The following GLCE variants were observed in gnomAD, a reference collection of about 807,000 sequenced individuals.
GLCE encodes D-glucuronyl C5-epimerase.
A neutral mutation model predicts 47.9 loss-of-function variants in GLCE; 19 were observed. That is an observed-to-expected ratio of 0.40 (90% CI 0.28 to 0.58). GLCE has a LOEUF of 0.58. GLCE is among the 20% of genes least tolerant of loss of function. The pLI is 0.48. For missense variants in GLCE, 556 were observed against 743.3 expected, an observed-to-expected ratio of 0.75 and a Z score of 2.93; for synonymous variants, 245 against 263.4, an observed-to-expected ratio of 0.93 and a Z score of 0.68.
At chr15:69,204,722 T>C (rs2052126328) in intron 1 of GLCE, among the ~76,000 whole-genome samples, 1 of 152,200 alleles carries the variant, frequency 6.6e-6, no homozygotes, top group Non-Finnish European at 1.5e-5. Context: ...GAAAGTTCTT[T>C]TATGATACCA....
At position 69,271,744 on chromosome 15, in the gene GLCE, CT is replaced by C. The variant is rs753212307; in HGVS notation, c.*2501del. 1 of 152,492 alleles carries C rather than the reference CT, an allele frequency of 6.6e-6. No homozygotes were observed. Among genetic ancestry groups the C allele is most frequent in the Non-Finnish European group, 1.5e-5 (1 of 68,038 alleles). 9.4% of individuals were successfully genotyped at this position (152,492 alleles called of 1,614,324 possible). ...CAGTTGTAAAACCAGCCAAAAGTTT[CT>C]GGATGAAGGTCAAGTTTGACCTTTT... On this transcript the variant is annotated 3_prime_UTR_variant, in exon 5 of 5. Coordinates refer to ENST00000261858, the MANE Select transcript of GLCE (RefSeq NM_015554.3).
chr15:69,242,473 A>G (rs1164341692), intron 2 of GLCE, among the ~76,000 whole-genome samples: 1 of 152,084 alleles, frequency 6.6e-6, no homozygotes, highest in East Asian at 1.9e-4. Context: ...CTATGCATCT[A>G]TATATCTATA....
intron 2 of GLCE, among the ~76,000 whole-genome samples, chr15:69,222,470 C>T (rs1207202112): frequency 6.6e-6 from 1 of 152,190 alleles, no homozygotes; most frequent in Admixed American, 6.5e-5. Flanking sequence ...CCTGGTCCCA[C>T]AGGAAAGAAA....
At chr15:69,183,163 A>C (rs1470926750) in intron 1 of GLCE, among the ~76,000 whole-genome samples, 2 of 152,324 alleles carry the variant, frequency 1.3e-5, no homozygotes, top group Admixed American at 6.5e-5. Context: ...TCTGATAATA[A>C]GAAACTGACA....
At chr15:69,185,436 G>A (rs1163045946) in intron 1 of GLCE, among the ~76,000 whole-genome samples, 1 of 152,096 alleles carries the variant, frequency 6.6e-6, no homozygotes, top group East Asian at 1.9e-4. Context: ...TGCCTGAAGC[G>A]TTGTGGTAAA....
At chr15:69,257,986 A>T (rs908584960) in intron 3 of GLCE, among the ~76,000 whole-genome samples, 3 of 151,570 alleles carry the variant, frequency 2.0e-5, no homozygotes, top group Admixed American at 1.3e-4. Flanking sequence ...ATATATTTTT[A>T]TTTTATTTTA....
rs1304823003 is a variant in GLCE at position 69,236,434 on chromosome 15, T to C, written c.-13-19360T>C. ...TTGGAGATGACATTTGAGACACGCC[T>C]TTTAAAAAAATTAGCATGTAGTAGT... On this transcript the variant is annotated intron_variant, in intron 2 of 4. Transcript: ENST00000261858. Among the ~76,000 whole-genome samples the C allele has an allele frequency of 3.9e-5, 6 of 152,172 alleles. No individual in the cohort carries two copies. The South Asian group carries it at 1.0e-3, about 26-fold the overall frequency.
intron 2 of GLCE, among the ~76,000 whole-genome samples, chr15:69,212,339 G>A (rs1310554474): frequency 6.6e-6 from 1 of 151,702 alleles, no homozygotes; most frequent in Non-Finnish European, 1.5e-5. Flanking sequence ...TGTTCTAGTT[G>A]TGGTACTTAA....
In GLCE at chr15:69,269,929, CA is replaced by C. The variant is rs1401180053; in HGVS notation, c.*690del. 1.3e-5 allele frequency: 2 copies of C among 152,552 alleles called. No individual in the cohort carries two copies. Among genetic ancestry groups the C allele is most frequent in the African/African-American group, 4.8e-5 (2 of 41,434 alleles). 9.4% of individuals were successfully genotyped at this position (152,552 alleles called of 1,614,324 possible). ...AACTTGTTGACTGCACAAGAAATTA[CA>C]AAAATGTTTCTGTTTTGAAACTTGA... On this transcript the variant is annotated 3_prime_UTR_variant, in exon 5 of 5. Transcript: ENST00000261858.
intron 1 of GLCE, among the ~76,000 whole-genome samples, chr15:69,169,709 C>T (rs1408118806): frequency 1.3e-5 from 2 of 152,188 alleles, no homozygotes; most frequent in Non-Finnish European, 1.5e-5. Flanking sequence ...CATGTCCCTA[C>T]AAAGGACATG....
chr15:69,167,931 A>G (rs564994066), intron 1 of GLCE, among the ~76,000 whole-genome samples: 73 of 151,560 alleles, frequency 4.8e-4, no homozygotes, highest in African/African-American at 1.7e-3. Context: ...GTTCTTTCAG[A>G]TATCCAAATG....
chr15:69,238,445 A>T (rs2052621192), intron 2 of GLCE, among the ~76,000 whole-genome samples: 2 of 152,202 alleles, frequency 1.3e-5, no homozygotes, highest in South Asian at 4.1e-4. Flanking sequence ...AAATCTTCTT[A>T]GGGTTTGATT....
chr15:69,237,033 T>C (rs570064780), intron 2 of GLCE, among the ~76,000 whole-genome samples: 3 of 152,302 alleles, frequency 2.0e-5, no homozygotes, highest in Admixed American at 1.3e-4. Context: ...ATATTACTCT[T>C]ATGTATCTTT....
intron 4 of GLCE, among the ~76,000 whole-genome samples, chr15:69,264,375 TAC>T (rs1411964529): frequency 6.6e-6 from 1 of 152,078 alleles, no homozygotes; most frequent in Non-Finnish European, 1.5e-5. Flanking sequence ...TGTGTGTGTA[TAC>T]ACACATGTGT....
chr15:69,210,143 A>G (rs927475206), intron 1 of GLCE, among the ~76,000 whole-genome samples, 173 bp from the exon 2 acceptor site: 1 of 152,110 alleles, frequency 6.6e-6, no homozygotes, highest in Non-Finnish European at 1.5e-5. Context: ...TCAGTGGTAC[A>G]TCAAATTCTG....
At chr15:69,219,623 A>AT (rs2052352696) in intron 2 of GLCE, among the ~76,000 whole-genome samples, 1 of 151,980 alleles carries the variant, frequency 6.6e-6, no homozygotes. Flanking sequence ...TCTAGATCTT[A>AT]TTTTTTTGTT....
chr15:69,215,188 C>T (rs565026501), intron 2 of GLCE, among the ~76,000 whole-genome samples: 18 of 152,248 alleles, frequency 1.2e-4, no homozygotes, highest in South Asian at 8.3e-4. Context: ...TGACCACCCC[C>T]GCACCCCCAA....
At chr15:69,190,049 C>G (rs1194041661) in intron 1 of GLCE, among the ~76,000 whole-genome samples, 1 of 152,082 alleles carries the variant, frequency 6.6e-6, no homozygotes, top group Non-Finnish European at 1.5e-5. Context: ...ACCTTCTTTT[C>G]TAACATTCAG....
chr15:69,220,972 C>T (rs2052370022), intron 2 of GLCE, among the ~76,000 whole-genome samples: 1 of 152,188 alleles, frequency 6.6e-6, no homozygotes, highest in Admixed American at 6.5e-5. Context: ...CACTCTTTTG[C>T]ATATGGATAT....
Sources: gnomAD v4.1 joint callset for allele counts (sites outside exome capture counted in the v4.1 genomes callset) on GRCh38, gnomAD v4.1.1 for gene constraint, MANE v1.5 for transcripts, NCBI Gene and HGNC (gene_info 2026-07-23, HGNC 2026-07-21) for gene names.